ABL2: variants seen among roughly 807,000 people sequenced by gnomAD.
The protein encoded by ABL2 is tyrosine-protein kinase ABL2.
A neutral mutation model predicts 107.7 loss-of-function variants in ABL2; 49 were observed. The observed-to-expected ratio is 0.45, with a 90% CI of 0.36 to 0.58. The LOEUF is 0.58. ABL2 is among the 20% of genes least tolerant of loss of function. ABL2 has a pLI of 0.00. For missense variants in ABL2, 1,245 were observed against 1,457.0 expected (o/e 0.85, Z 2.37); for synonymous variants, 549 against 548.6 (o/e 1.00, Z -0.01).
intron 1 of ABL2, among the ~76,000 whole-genome samples, chr1:179,225,091 C>T (rs1356917120): frequency 6.6e-6 from 1 of 152,120 alleles, no homozygotes; most frequent in Non-Finnish European, 1.5e-5. Flanking sequence ...TCACACAGCA[C>T]TCACTCCTTT....
At chr1:179,158,081 A>C (rs1335526488) in intron 1 of ABL2, among the ~76,000 whole-genome samples, 1 of 152,246 alleles carries the variant, frequency 6.6e-6, no homozygotes, top group African/African-American at 2.4e-5. Context: ...AGGAGACCAT[A>C]GGAGAGTCAA....
chr1:179,229,470 C>G lies in ABL2; in HGVS notation c.-73G>C. 7.2e-7 allele frequency: 1 copy of G among 1,394,014 alleles called. No individual in the cohort carries two copies. 86.4% of individuals were successfully genotyped at this position (1,394,014 alleles called of 1,614,324 possible). Reference sequence around the variant, plus strand: ...CCTCCTCGGCTCCGGCCTCGGGCTCCTGGCGCTGCTCCGGTCTCTCCCTCC... The same window carrying G: ...CCTCCTCGGCTCCGGCCTCGGGCTCGTGGCGCTGCTCCGGTCTCTCCCTCC... On this transcript the variant is annotated 5_prime_UTR_variant, in exon 1 of 12. Coordinates refer to ENST00000502732, the MANE Select transcript of ABL2 (RefSeq NM_007314.4).
intron 1 of ABL2, among the ~76,000 whole-genome samples, chr1:179,194,273 C>T (rs1172345339): frequency 1.2e-4 from 18 of 152,074 alleles, no homozygotes; most frequent in Admixed American, 1.2e-3. Context: ...TACATGAGCA[C>T]GAATTTAGTA....
At chr1:179,214,193 C>A (rs1273273524) in intron 1 of ABL2, among the ~76,000 whole-genome samples, 1 of 151,872 alleles carries the variant, frequency 6.6e-6, no homozygotes, top group Admixed American at 6.6e-5. Context: ...AAAGATTTTA[C>A]TGAGGGGCAA....
In ABL2 at chr1:179,126,761, A is replaced by T. The variant is rs555476961; in HGVS notation, c.392-89T>A. On this transcript the variant is annotated intron_variant, in intron 3 of 11. Coordinates refer to ENST00000502732, the MANE Select transcript of ABL2 (RefSeq NM_007314.4). The surrounding 1 kb of genome is among the most constrained non-coding windows in gnomAD (Gnocchi z 4.4). Reference sequence around the variant, plus strand: ...TGTACTGTCAAACTTTAAACTCATTAAAAAAAAAAAAGAATCTAGAACTTT... The same window carrying T: ...TGTACTGTCAAACTTTAAACTCATTTAAAAAAAAAAAGAATCTAGAACTTT... 175 of 413,134 alleles carry T rather than the reference A, an allele frequency of 4.2e-4. No individual in the cohort carries two copies. In the East Asian group the frequency reaches 7.7e-3, roughly 18 times the overall value. The allele number at this position is 413,134 out of a possible 1,614,324, so 25.6% of individuals were successfully genotyped here. A position where few individuals can be genotyped will look rare whatever the true frequency, so the allele number is the denominator to read the frequency against.
rs553302776 is a variant in ABL2 at position 179,100,385 on chromosome 1, G to A, written c.*7333C>T. 1.5e-4 allele frequency: 35 copies of A among 227,098 alleles called. No homozygotes were observed. The South Asian group carries it at 5.5e-3, about 35-fold the overall frequency. 14.1% of individuals were successfully genotyped at this position (227,098 alleles called of 1,614,324 possible). On this transcript the variant is annotated 3_prime_UTR_variant, in exon 12 of 12. Coordinates refer to ENST00000502732, the MANE Select transcript of ABL2 (RefSeq NM_007314.4). The stretch of plus-strand genomic sequence containing the variant: ...GGTTTACTGTTGATGACACTAAAGC[G>A]TTCCCAGTCCTGCAAAACCTTCTGA...
chr1:179,117,228 TA>T, intron 8 of ABL2, 103 bp downstream of exon 8: 1 of 1,125,768 alleles, frequency 8.9e-7, no homozygotes, highest in Non-Finnish European at 1.3e-6. Context: ...GAATGGCAGG[TA>T]AAGGTAGAGG....
intron 1 of ABL2, among the ~76,000 whole-genome samples, chr1:179,192,334 TATG>T (rs1661072250): frequency 1.3e-5 from 2 of 152,118 alleles, no homozygotes; most frequent in African/African-American, 4.8e-5. Flanking sequence ...AACCAAAAAA[TATG>T]ATAAGAGAAT....
chr1:179,189,152 T>C (rs1660856057), intron 1 of ABL2, among the ~76,000 whole-genome samples: 1 of 152,220 alleles, frequency 6.6e-6, no homozygotes, highest in Admixed American at 6.5e-5. Context: ...GTTGTTGTTT[T>C]GAGACAGAGT....
intron 1 of ABL2, among the ~76,000 whole-genome samples, chr1:179,195,646 ATGAG>A (rs1362571997): frequency 1.2e-4 from 18 of 152,306 alleles, no homozygotes; most frequent in Admixed American, 5.9e-4. Flanking sequence ...CCATAAAGAG[ATGAG>A]TGGATAAAGA....
intron 1 of ABL2, among the ~76,000 whole-genome samples, chr1:179,157,424 G>A (rs1191684976): frequency 6.6e-6 from 1 of 152,002 alleles, no homozygotes; most frequent in Non-Finnish European, 1.5e-5. Context: ...TTGAACCCGG[G>A]AGGCGGAGGT....
chr1:179,140,606 CAA>C (rs35470489), intron 1 of ABL2, among the ~76,000 whole-genome samples: 1 of 152,098 alleles, frequency 6.6e-6, no homozygotes, highest in Non-Finnish European at 1.5e-5. Context: ...AAGAGGCTCT[CAA>C]AAAAGATTTG....
In ABL2 at chr1:179,229,655, A is replaced by ACCGCCG. The variant is rs1451862059; in HGVS notation, c.-264_-259dup. The stretch of plus-strand genomic sequence containing the variant: ...CAACGCCGCCGCCGCCGCCGCCGCC[A>ACCGCCG]CCGCCGCCGCCATCTTTAAACCACC... On this transcript the variant is annotated 5_prime_UTR_variant, in exon 1 of 12. Transcript: ENST00000502732. 1.6e-5 allele frequency: 6 copies of ACCGCCG among 363,716 alleles called. No homozygotes were observed. The highest frequency in any genetic ancestry group is 1.2e-4 in the East Asian group (2 of 16,990). The allele number at this position is 363,716 out of a possible 1,614,324, so 22.5% of individuals were successfully genotyped here.
chr1:179,196,772 C>CAA (rs1404439308), intron 1 of ABL2, among the ~76,000 whole-genome samples: 1 of 132,056 alleles, frequency 7.6e-6, no homozygotes, highest in African/African-American at 2.9e-5. Flanking sequence ...AAAAAACAAA[C>CAA]AAACAAAAAA....
chr1:179,136,713 T>TC (rs970460278), intron 1 of ABL2, among the ~76,000 whole-genome samples: 1 of 126,210 alleles, frequency 7.9e-6, no homozygotes, highest in African/African-American at 3.4e-5. Flanking sequence ...CAATAAAAAA[T>TC]AAATAAATAA....
intron 1 of ABL2, among the ~76,000 whole-genome samples, chr1:179,186,407 T>C (rs1463676572): frequency 1.3e-5 from 2 of 152,146 alleles, no homozygotes; most frequent in Non-Finnish European, 2.9e-5. Context: ...AGAGGGAGTT[T>C]CGCTCTTCTT....
rs1656514712 is a variant in ABL2, at chr1:179,133,221, G to C, written c.220+91C>G. On this transcript the variant is annotated intron_variant, in intron 2 of 11. Coordinates refer to ENST00000502732, the MANE Select transcript of ABL2 (RefSeq NM_007314.4). ...TATGAAAGGAAAAACCCTTGAATTTGTGGTTCCATTTATTTTCAAATCCAT... is the reference window on the plus strand; with the variant it reads ...TATGAAAGGAAAAACCCTTGAATTTCTGGTTCCATTTATTTTCAAATCCAT... 8.9e-6 allele frequency: 14 copies of C among 1,574,246 alleles called. No individual in the cohort carries two copies. In the South Asian group the frequency reaches 1.4e-4, roughly 16 times the overall value.
At position 179,202,596 on chromosome 1, in the gene ABL2, C is replaced by G. The variant is rs28991605; in HGVS notation, c.157+26645G>C. Reference sequence around the variant, plus strand: ...GGTTACACCAGCAAATTAAGTAACACTGGACTGTAAGTGAATCAGTGATTG... The same window carrying G: ...GGTTACACCAGCAAATTAAGTAACAGTGGACTGTAAGTGAATCAGTGATTG... On this transcript the variant is annotated intron_variant, in intron 1 of 11. Transcript: ENST00000502732. Among the ~76,000 whole-genome samples, 1,293 of 152,328 alleles carry G rather than the reference C, an allele frequency of 8.5e-3. 45 individuals carry two copies. The highest frequency in any genetic ancestry group is 0.057 in the Admixed American group (873 of 15,298).
chr1:179,128,578 T>C (rs1655972399), intron 3 of ABL2, among the ~76,000 whole-genome samples: 1 of 152,156 alleles, frequency 6.6e-6, no homozygotes, highest in Non-Finnish European at 1.5e-5. Flanking sequence ...TTGTCAGTTA[T>C]CAGGAAAATT....
Sources: gnomAD v4.1 joint callset for allele counts (sites outside exome capture counted in the v4.1 genomes callset) on GRCh38, gnomAD v4.1.1 for gene constraint, Gnocchi (gnomAD v3.1) non-coding constraint, MANE v1.5 for transcripts, NCBI Gene and HGNC (gene_info 2026-07-23, HGNC 2026-07-21) for gene names.